Variants in SERPINI1 observed in about 807,000 individuals in gnomAD.
SERPINI1 encodes the protein serpin family I member 1.
A neutral mutation model predicts 41.1 loss-of-function variants in SERPINI1; 19 were observed. The ratio of observed to expected loss-of-function variants is 0.46; its 90% CI spans 0.32 to 0.68. SERPINI1 has a LOEUF of 0.68. Among genes scored for constraint, SERPINI1 ranks in the 30% least tolerant of loss-of-function variants. SERPINI1 has a pLI of 0.03. For missense variants in SERPINI1, 460 were observed against 479.2 expected (o/e 0.96, Z 0.37); for synonymous variants, 138 against 156.6 (o/e 0.88, Z 0.89).
At chr3:167,804,428 A>T (rs1577428076) in intron 5 of SERPINI1, among the ~76,000 whole-genome samples, 1 of 152,336 alleles carries the variant, frequency 6.6e-6, no homozygotes, top group South Asian at 2.1e-4. Context: ...TAAATTTTAT[A>T]TTTATAATCT....
chr3:167,743,435 T>G (rs548052064), intron 1 of SERPINI1, among the ~76,000 whole-genome samples: 1 of 152,258 alleles, frequency 6.6e-6, no homozygotes, highest in Admixed American at 6.5e-5. Context: ...ATAAGTACAT[T>G]AATTTTTTTC....
chr3:167,755,542 C>G (rs1280258260), intron 1 of SERPINI1, among the ~76,000 whole-genome samples: 1 of 152,058 alleles, frequency 6.6e-6, no homozygotes, highest in African/African-American at 2.4e-5. Flanking sequence ...AGAGAGGAAA[C>G]CATAAGAAGG....
At chr3:167,753,990 G>A (rs1018225031) in intron 1 of SERPINI1, among the ~76,000 whole-genome samples, 14 of 152,104 alleles carry the variant, frequency 9.2e-5, no homozygotes, top group African/African-American at 3.4e-4. Context: ...TTTAAAAGGG[G>A]GAGAGGAGTA....
chr3:167,806,508 G>A (rs570697574), intron 5 of SERPINI1, among the ~76,000 whole-genome samples: 2 of 152,168 alleles, frequency 1.3e-5, no homozygotes, highest in South Asian at 2.1e-4. Context: ...ATTCTTCAGT[G>A]TAAAAGCACA....
rs970841017 is a variant in SERPINI1 at position 167,813,806 on chromosome 3, G to A, written c.979+6465G>A. ...TGTGGTGGGGGACAGGGTAGATACC[G>A]AGTGGGTGAGTGTTGTGAGTAAATT... On this transcript the variant is annotated intron_variant, in intron 6 of 8. Transcript: ENST00000446050. Among the ~76,000 whole-genome samples the A allele has an allele frequency of 4.6e-5, 7 of 152,018 alleles. No individual in the cohort carries two copies. The South Asian group carries it at 1.0e-3, about 23-fold the overall frequency.
At chr3:167,749,115 A>G (rs1406095068) in intron 1 of SERPINI1, among the ~76,000 whole-genome samples, 1 of 152,238 alleles carries the variant, frequency 6.6e-6, no homozygotes, top group Non-Finnish European at 1.5e-5. Flanking sequence ...TGAGATATTG[A>G]TATATCACTA....
At chr3:167,820,678 G>A (rs1051700121) in intron 6 of SERPINI1, among the ~76,000 whole-genome samples, 1 of 152,152 alleles carries the variant, frequency 6.6e-6, no homozygotes, top group African/African-American at 2.4e-5. Context: ...GCCTGCAGGC[G>A]CCGCTCAGCA....
chr3:167,780,188 CATGCAT>C (rs1167206061), intron 1 of SERPINI1, among the ~76,000 whole-genome samples: 1 of 152,154 alleles, frequency 6.6e-6, no homozygotes, highest in East Asian at 1.9e-4. Context: ...CATCATTTAT[CATGCAT>C]ATGACTTGAT....
intron 1 of SERPINI1, among the ~76,000 whole-genome samples, chr3:167,776,921 C>A (rs1726984722): frequency 6.6e-6 from 1 of 152,212 alleles, no homozygotes; most frequent in African/African-American, 2.4e-5. Flanking sequence ...CAGGCCCTGA[C>A]CTTGGACTCT....
chr3:167,794,883 C>G, intron 5 of SERPINI1, 59 bp downstream of exon 5: 1 of 1,426,732 alleles, frequency 7.0e-7, no homozygotes, highest in Non-Finnish European at 9.9e-7. Context: ...CAATGAAAAT[C>G]TGACCCAGAA....
chr3:167,737,010 T>G (rs1398251560), intron 1 of SERPINI1, among the ~76,000 whole-genome samples: 5 of 151,458 alleles, frequency 3.3e-5, no homozygotes, highest in Non-Finnish European at 5.9e-5. Context: ...ATACTTTATG[T>G]TTTTTTTTAA....
intron 6 of SERPINI1, among the ~76,000 whole-genome samples, chr3:167,820,821 G>T (rs1712298202): frequency 6.6e-6 from 1 of 152,190 alleles, no homozygotes; most frequent in Admixed American, 6.5e-5. Context: ...TGAGGCCTGG[G>T]GTCCAGGCTG....
At chr3:167,772,891 T>TATATATATATATAC (rs1396624841) in intron 1 of SERPINI1, among the ~76,000 whole-genome samples, 4 of 73,692 alleles carry the variant, frequency 5.4e-5, no homozygotes, top group Non-Finnish European at 9.7e-5. Flanking sequence ...TATATATATA[T>TATATATATATATAC]ATACACACAC....
At chr3:167,741,573 T>C (rs1291612174) in intron 1 of SERPINI1, among the ~76,000 whole-genome samples, 3 of 152,240 alleles carry the variant, frequency 2.0e-5, no homozygotes, top group Non-Finnish European at 4.4e-5. Context: ...AATTTTATTG[T>C]TTTTATACCC....
chr3:167,760,482 T>C (rs558155752), intron 1 of SERPINI1, among the ~76,000 whole-genome samples: 1 of 152,142 alleles, frequency 6.6e-6, no homozygotes, highest in South Asian at 2.1e-4. Flanking sequence ...ACTATGTCTC[T>C]GGGTTGAACA....
intron 1 of SERPINI1, among the ~76,000 whole-genome samples, chr3:167,742,542 T>A (rs1725713252): frequency 6.6e-6 from 1 of 152,172 alleles, no homozygotes; most frequent in African/African-American, 2.4e-5. Context: ...TTGTTCCTGT[T>A]GAGTCTTTCT....
intron 6 of SERPINI1, among the ~76,000 whole-genome samples, chr3:167,820,777 C>T (rs1266192623): frequency 1.3e-5 from 2 of 152,160 alleles, no homozygotes; most frequent in African/African-American, 2.4e-5. Context: ...GGGAGGGTCC[C>T]CAGTGAAACC....
chr3:167,786,837 G>A (rs541980748), intron 1 of SERPINI1, among the ~76,000 whole-genome samples: 51 of 152,138 alleles, frequency 3.4e-4, no homozygotes, highest in African/African-American at 1.1e-3. Flanking sequence ...CTCCAGTAGT[G>A]TACAGCAATG....
At chr3:167,818,156 G>A (rs973456328) in intron 6 of SERPINI1, among the ~76,000 whole-genome samples, 2 of 151,836 alleles carry the variant, frequency 1.3e-5, no homozygotes, top group Non-Finnish European at 2.9e-5. Context: ...CTCCCTAGCA[G>A]CTGGGATCAC....
Sources: gnomAD v4.1 joint callset for allele counts (sites outside exome capture counted in the v4.1 genomes callset) on GRCh38, gnomAD v4.1.1 for gene constraint, MANE v1.5 for transcripts, NCBI Gene and HGNC (gene_info 2026-07-23, HGNC 2026-07-21) for gene names.